KATNA1: variants seen among roughly 807,000 people sequenced by gnomAD.
The protein encoded by KATNA1 is katanin p60 ATPase-containing subunit A1.
Under a neutral mutation model 62.6 loss-of-function variants are expected in KATNA1, and 42 were observed. The observed-to-expected ratio is 0.67, with a 90% CI of 0.52 to 0.87. The LOEUF (loss-of-function observed/expected upper bound fraction) is 0.87, where lower values mean the gene tolerates loss of function less well. KATNA1 is among the 40% of genes least tolerant of loss of function. The probability of loss-of-function intolerance (pLI) is 0.00; values close to 1 mark genes in which losing one functional copy is unlikely to be tolerated. For synonymous variants in KATNA1, 186 were observed against 201.9 expected (o/e 0.92, Z 0.67); for missense variants, 498 against 612.5 (o/e 0.81, Z 1.97).
chr6:149,631,552 A>C (rs1280564663), intron 3 of KATNA1: 5 of 102,482 alleles, frequency 4.9e-5, no homozygotes, highest in Admixed American at 2.2e-4. Context: ...AGTCTTAAAA[A>C]AACAAAAAAA....
At chr6:149,597,310 T>G (rs1166919868) in intron 9 of KATNA1, 121 bp from the exon 10 acceptor site, 2 of 1,266,804 alleles carry the variant, frequency 1.6e-6, no homozygotes, top group East Asian at 2.4e-5. Flanking sequence ...TAAGAAGAGA[T>G]AATTAAGTAA....
At chr6:149,602,351 A>C (rs997676078) in intron 6 of KATNA1, among the ~76,000 whole-genome samples, 1 of 152,206 alleles carries the variant, frequency 6.6e-6, no homozygotes, top group South Asian at 2.1e-4. Flanking sequence ...CGACAGAGCG[A>C]GACTCCATCT....
At chr6:149,615,648 G>T (rs1361344924) in intron 4 of KATNA1, among the ~76,000 whole-genome samples, 2 of 152,058 alleles carry the variant, frequency 1.3e-5, no homozygotes, top group Non-Finnish European at 2.9e-5. Context: ...AACTGACAGG[G>T]TGTGCACCTA....
At position 149,595,031 on chromosome 6, in the gene KATNA1, A is replaced by G; in HGVS notation, c.*5T>C. The G allele has an allele frequency of 2.5e-6, 4 of 1,610,308 alleles. No individual in the cohort carries two copies. The highest frequency in any genetic ancestry group is 3.4e-6 in the Non-Finnish European group (4 of 1,176,644). ...GCACATTTCTCACAGTTTACATGTG[A>G]GAATTTAGCATGATCCAAACTCAAA... On this transcript the variant is annotated 3_prime_UTR_variant, in exon 11 of 11. Transcript: ENST00000367411.
At chr6:149,633,194 G>A (rs981295574) in intron 2 of KATNA1, among the ~76,000 whole-genome samples, 4 of 140,804 alleles carry the variant, frequency 2.8e-5, no homozygotes, top group African/African-American at 1.1e-4. Context: ...TGCAAGCTCT[G>A]CTTCCTGGGT....
intron 4 of KATNA1, among the ~76,000 whole-genome samples, chr6:149,615,063 G>T (rs1332864353): frequency 4.1e-5 from 6 of 147,776 alleles, no homozygotes; most frequent in African/African-American, 1.5e-4. Flanking sequence ...AACCTGGGAG[G>T]CTGAGGTCGC....
intron 7 of KATNA1, among the ~76,000 whole-genome samples, chr6:149,600,814 T>C (rs181168301): frequency 6.0e-5 from 9 of 149,350 alleles, no homozygotes; most frequent in African/African-American, 1.7e-4. Context: ...TGGTGGCTCA[T>C]GTCCATCATC....
chr6:149,645,387 G>A (rs952191331), intron 1 of KATNA1, among the ~76,000 whole-genome samples: 2 of 150,630 alleles, frequency 1.3e-5, no homozygotes. Flanking sequence ...GCGTGCAAGT[G>A]AGCCAAGCTC....
intron 1 of KATNA1, among the ~76,000 whole-genome samples, chr6:149,646,599 T>C (rs1780495263): frequency 6.6e-6 from 1 of 152,174 alleles, no homozygotes; most frequent in Non-Finnish European, 1.5e-5. Flanking sequence ...TTTTCTTACC[T>C]TTATAACCAT....
chr6:149,627,937 C>A lies in KATNA1; in HGVS notation c.321-4654G>T, dbSNP rs375316190. Among the ~76,000 whole-genome samples the A allele has an allele frequency of 3.2e-4, 48 of 151,976 alleles. 1 individual carries two copies. The East Asian group carries it at 5.4e-3, about 17-fold the overall frequency. On this transcript the variant is annotated intron_variant, in intron 3 of 10. Coordinates refer to ENST00000367411, the MANE Select transcript of KATNA1 (RefSeq NM_007044.4). Reference sequence around the variant, plus strand: ...CTTAGGTTCCAGAGGCTGTGGGGAACCAGGTCTCATAGGGCTTGAAAGACA... The same window carrying A: ...CTTAGGTTCCAGAGGCTGTGGGGAAACAGGTCTCATAGGGCTTGAAAGACA...
chr6:149,612,601 A>G (rs1314032710), intron 4 of KATNA1, among the ~76,000 whole-genome samples: 5 of 152,224 alleles, frequency 3.3e-5, no homozygotes, highest in African/African-American at 9.6e-5. Context: ...ATAAAAGGCT[A>G]TATTACCCTG....
chr6:149,634,533 T>C (rs767656099), intron 2 of KATNA1, among the ~76,000 whole-genome samples: 8 of 152,088 alleles, frequency 5.3e-5, no homozygotes, highest in Non-Finnish European at 1.0e-4. Flanking sequence ...AGAGACAAGG[T>C]TTCATTCTGT....
intron 4 of KATNA1, among the ~76,000 whole-genome samples, chr6:149,607,775 T>C (rs1778798339): frequency 2.6e-5 from 4 of 152,088 alleles, no homozygotes; most frequent in African/African-American, 7.2e-5. Flanking sequence ...GGTTTAAAAC[T>C]AGTTCTTTTG....
chr6:149,605,051 T>C (rs1445081274), intron 4 of KATNA1, among the ~76,000 whole-genome samples: 1 of 151,876 alleles, frequency 6.6e-6, no homozygotes, highest in Non-Finnish European at 1.5e-5. Flanking sequence ...GCGGCACCTG[T>C]AGTCCCAGCT....
intron 3 of KATNA1, among the ~76,000 whole-genome samples, chr6:149,624,457 C>T (rs909513763): frequency 1.3e-5 from 2 of 152,052 alleles, no homozygotes. Flanking sequence ...TGCTCTGTCA[C>T]TGCAGCCTTG....
intron 3 of KATNA1, among the ~76,000 whole-genome samples, chr6:149,624,672 GTTGGTCCTCA>G (rs921050021): frequency 4.6e-5 from 7 of 152,126 alleles, no homozygotes; most frequent in Admixed American, 4.6e-4. Context: ...GAGCCCCTGT[GTTGGTCCTCA>G]TTTCATCCTT....
intron 4 of KATNA1, among the ~76,000 whole-genome samples, chr6:149,616,346 G>A (rs1779165848): frequency 6.6e-6 from 1 of 152,152 alleles, no homozygotes; most frequent in African/African-American, 2.4e-5. Flanking sequence ...CAATTACATG[G>A]TTATTATCAA....
At chr6:149,636,810 T>G (rs1013332028) in intron 2 of KATNA1, among the ~76,000 whole-genome samples, 1 of 151,862 alleles carries the variant, frequency 6.6e-6, no homozygotes, top group African/African-American at 2.4e-5. Flanking sequence ...CCAGCTAATT[T>G]TTTTGTATTT....
intron 3 of KATNA1, among the ~76,000 whole-genome samples, chr6:149,631,889 G>T (rs1342671629): frequency 6.6e-6 from 1 of 152,144 alleles, no homozygotes; most frequent in Non-Finnish European, 1.5e-5. Context: ...GCACTTGGTA[G>T]TAGGAAGTTG....
Sources: gnomAD v4.1 joint callset for allele counts (sites outside exome capture counted in the v4.1 genomes callset) on GRCh38, gnomAD v4.1.1 for gene constraint, MANE v1.5 for transcripts, NCBI Gene and HGNC (gene_info 2026-07-23, HGNC 2026-07-21) for gene names.